ZNF609: variants seen among roughly 807,000 people sequenced by gnomAD.
ZNF609 encodes zinc finger protein 609.
A neutral mutation model predicts 109.5 loss-of-function variants in ZNF609; 11 were observed. The observed-to-expected ratio is 0.10, with a 90% confidence interval of 0.06 to 0.17. The LOEUF is 0.17. ZNF609 is among the 10% of genes least tolerant of loss of function. ZNF609 has a pLI of 1.00. For missense variants in ZNF609, 1,559 were observed against 1,772.4 expected, an observed-to-expected ratio of 0.88 and a Z score of 2.16; for synonymous variants, 646 against 662.0, an observed-to-expected ratio of 0.98 and a Z score of 0.37.
chr15:64,547,296 T>A (rs1431208954), intron 2 of ZNF609, among the ~76,000 whole-genome samples: 1 of 152,190 alleles, frequency 6.6e-6, no homozygotes, highest in African/African-American at 2.4e-5. Context: ...TACTCAACTT[T>A]AGACAGTGAG....
intron 2 of ZNF609, among the ~76,000 whole-genome samples, chr15:64,609,134 T>TCTTTCTTTC (rs1895672243): frequency 1.4e-5 from 2 of 145,058 alleles, no homozygotes; most frequent in Admixed American, 7.1e-5. Context: ...CTTTCTTTTT[T>TCTTTCTTTC]TCTTTCTTTT....
chr15:64,680,619 C>T, intron 7 of ZNF609, 27 bp from the exon 8 acceptor site: 2 of 1,537,692 alleles, frequency 1.3e-6, no homozygotes, highest in African/African-American at 1.4e-5. Flanking sequence ...CACTATAGTG[C>T]TTTTGTGTCT....
At chr15:64,621,921 T>C in intron 2 of ZNF609, among the ~76,000 whole-genome samples, 1 of 152,132 alleles carries the variant, frequency 6.6e-6, no homozygotes, top group Admixed American at 6.6e-5. Context: ...AGATGGGGTT[T>C]CACCATGTTA....
chr15:64,670,775 G>A (rs1256942903), intron 4 of ZNF609, among the ~76,000 whole-genome samples: 1 of 151,722 alleles, frequency 6.6e-6, no homozygotes, highest in African/African-American at 2.4e-5. Flanking sequence ...CTGCTTGAGA[G>A]GGTGAGGCAG....
chr15:64,603,125 T>G (rs944304949), intron 2 of ZNF609, among the ~76,000 whole-genome samples: 4 of 151,982 alleles, frequency 2.6e-5, no homozygotes, highest in African/African-American at 9.7e-5. Flanking sequence ...TGAACTTGCT[T>G]TCTCGCTTTT....
At chr15:64,566,457 G>C (rs182680372) in intron 2 of ZNF609, among the ~76,000 whole-genome samples, 161 of 152,328 alleles carry the variant, frequency 1.1e-3, no homozygotes, top group African/African-American at 3.6e-3. Flanking sequence ...GAACTTTAAA[G>C]GAGACACTCT....
chr15:64,614,825 T>C (rs1400971770), intron 2 of ZNF609, among the ~76,000 whole-genome samples: 1 of 143,846 alleles, frequency 7.0e-6, no homozygotes, highest in East Asian at 2.0e-4. Context: ...TTTTTTTTTT[T>C]TTTTTTTTTT....
intron 2 of ZNF609, among the ~76,000 whole-genome samples, chr15:64,584,223 C>T (rs1895158222): frequency 6.6e-6 from 1 of 152,056 alleles, no homozygotes; most frequent in Non-Finnish European, 1.5e-5. Flanking sequence ...TTTGGGAGGC[C>T]GAGGCAGGTG....
chr15:64,465,455 C>G (rs1303984822), intron 1 of ZNF609, among the ~76,000 whole-genome samples: 2 of 152,034 alleles, frequency 1.3e-5, no homozygotes, highest in East Asian at 3.9e-4. Context: ...GATCTCGGCT[C>G]ACTGCAACCT....
At chr15:64,521,222 A>C (rs1277985857) in intron 2 of ZNF609, among the ~76,000 whole-genome samples, 1 of 152,242 alleles carries the variant, frequency 6.6e-6, no homozygotes, top group African/African-American at 2.4e-5. Flanking sequence ...TGTAAAGGGA[A>C]GGCAGACCTT....
At chr15:64,478,194 G>GTC (rs1893199701) in intron 1 of ZNF609, among the ~76,000 whole-genome samples, 1 of 146,484 alleles carries the variant, frequency 6.8e-6, no homozygotes, top group Admixed American at 6.7e-5. Context: ...GTGTGTGTGT[G>GTC]TGTCTGTTTA....
chr15:64,473,162 G>A (rs1893114098), intron 1 of ZNF609, among the ~76,000 whole-genome samples: 1 of 144,964 alleles, frequency 6.9e-6, no homozygotes, highest in Non-Finnish European at 1.5e-5. Context: ...CAGTTGCTTT[G>A]GCTTAAAACT....
At chr15:64,613,024 A>C (rs1895742431) in intron 2 of ZNF609, among the ~76,000 whole-genome samples, 1 of 151,788 alleles carries the variant, frequency 6.6e-6, no homozygotes, top group African/African-American at 2.4e-5. Context: ...AAAACACAGA[A>C]AAGAAAAGGA....
At chr15:64,507,469 G>A (rs895047659) in intron 2 of ZNF609, among the ~76,000 whole-genome samples, 5 of 152,200 alleles carry the variant, frequency 3.3e-5, no homozygotes, top group African/African-American at 1.2e-4. Flanking sequence ...CGCCTCCAGA[G>A]CTGCTGACAG....
intron 2 of ZNF609, among the ~76,000 whole-genome samples, chr15:64,598,740 G>GTA (rs767287628): frequency 1.7e-4 from 14 of 84,714 alleles, no homozygotes; most frequent in African/African-American, 6.3e-4. Flanking sequence ...ATCTTTGTGT[G>GTA]TGTATATATA....
At chr15:64,666,825 T>G (rs1177233850) in intron 3 of ZNF609, among the ~76,000 whole-genome samples, 3 of 151,354 alleles carry the variant, frequency 2.0e-5, no homozygotes, top group African/African-American at 7.3e-5. Flanking sequence ...TAATCCTATA[T>G]TTTTAAAAAT....
At chr15:64,606,558 CA>C (rs71133455) in intron 2 of ZNF609, among the ~76,000 whole-genome samples, 75,632 of 92,648 alleles carry the variant, frequency 0.82, 30,136 homozygotes, top group East Asian at 0.95. Context: ...GACTCCATCT[CA>C]AAAAAAAAAA....
At chr15:64,563,804 C>CA (rs1378377106) in intron 2 of ZNF609, among the ~76,000 whole-genome samples, 1 of 150,946 alleles carries the variant, frequency 6.6e-6, no homozygotes, top group Non-Finnish European at 1.5e-5. Flanking sequence ...CAAAACAAAA[C>CA]AAAAAAACCC....
chr15:64,625,640 C>T (rs1895941160), intron 3 of ZNF609, among the ~76,000 whole-genome samples: 1 of 151,812 alleles, frequency 6.6e-6, no homozygotes, highest in African/African-American at 2.4e-5. Context: ...CCTGTAATCC[C>T]AGCACTTTAG....
Sources: allele counts gnomAD v4.1 joint callset (sites outside exome capture counted in the v4.1 genomes callset), GRCh38; gene constraint gnomAD v4.1.1; transcripts MANE v1.5; gene names NCBI Gene and HGNC (gene_info 2026-07-23, HGNC 2026-07-21).